SH3BGRL: variants seen among roughly 807,000 people sequenced by gnomAD.
The protein encoded by SH3BGRL is SH3 domain binding glutamate rich protein like.
A neutral mutation model predicts 9.8 loss-of-function variants in SH3BGRL; 7 were observed. The observed-to-expected ratio is 0.72, with a 90% confidence interval of 0.41 to 1.35. The LOEUF is 1.35. SH3BGRL is among the 40% of genes most tolerant of loss of function. SH3BGRL has a pLI of 0.01. For synonymous variants in SH3BGRL, 36 were observed against 29.1 expected, an observed-to-expected ratio of 1.24 and a Z score of -0.76; for missense variants, 73 against 84.4, an observed-to-expected ratio of 0.86 and a Z score of 0.53.
chrX:81,261,558 T>TA (rs773851685), intron 1 of SH3BGRL, among the ~76,000 whole-genome samples: 24 of 111,319 alleles, frequency 2.2e-4, no homozygotes, highest in Admixed American at 9.6e-5. Context: ...CTAAATCTTG[T>TA]AAAAATTTTG....
At chrX:81,271,271 C>A (rs2075778505) in intron 1 of SH3BGRL, among the ~76,000 whole-genome samples, 1 of 112,226 alleles carries the variant, frequency 8.9e-6, no homozygotes, top group South Asian at 3.7e-4. Context: ...TCCATCCAGT[C>A]CCTGTGAGAT....
chrX:81,215,376 A>G (rs2075578414), intron 1 of SH3BGRL, among the ~76,000 whole-genome samples: 1 of 111,279 alleles, frequency 9.0e-6, no homozygotes, highest in East Asian at 2.8e-4. Flanking sequence ...ATTTGTGCTT[A>G]GGAATTATCT....
intron 1 of SH3BGRL, among the ~76,000 whole-genome samples, chrX:81,209,772 A>T (rs1225733343): frequency 8.9e-6 from 1 of 112,132 alleles, no homozygotes; most frequent in East Asian, 2.8e-4. Flanking sequence ...ACTGGTGGGC[A>T]GGCTGGGTGT....
intron 1 of SH3BGRL, among the ~76,000 whole-genome samples, chrX:81,269,556 C>T (rs1321273476): frequency 8.9e-6 from 1 of 111,976 alleles, no homozygotes; most frequent in Non-Finnish European, 1.9e-5. Flanking sequence ...CCACTCTCTT[C>T]TGGCTTGTAG....
In SH3BGRL at chrX:81,229,852, A is replaced by T. The variant is rs143768078; in HGVS notation, c.45+27607A>T. On this transcript the variant is annotated intron_variant, in intron 1 of 3. Transcript: ENST00000373212. ...GGGAAATGCAGCATTTGGGCAGGAA[A>T]ACAGAAATACTTGTCCTCACCTAGG... 2.4e-3 allele frequency among the ~76,000 whole-genome samples: 264 copies of T among 111,932 alleles called. 1 individual carries two copies. The highest frequency in any genetic ancestry group is 8.0e-3 in the African/African-American group (245 of 30,763).
chrX:81,208,719 C>T (rs1030325105), intron 1 of SH3BGRL, among the ~76,000 whole-genome samples: 4 of 111,403 alleles, frequency 3.6e-5, no homozygotes, highest in African/African-American at 1.3e-4. Flanking sequence ...AGAGACGAGG[C>T]GGTTCATTTA....
At chrX:81,250,404 C>T (rs2075705628) in intron 1 of SH3BGRL, among the ~76,000 whole-genome samples, 2 of 24,233 alleles carry the variant, frequency 8.3e-5, no homozygotes, top group African/African-American at 1.5e-4. Context: ...GAGACTCCGT[C>T]TCAAAAAAAA....
At chrX:81,221,583 CATT>C (rs1468310854) in intron 1 of SH3BGRL, among the ~76,000 whole-genome samples, 1 of 111,749 alleles carries the variant, frequency 8.9e-6, no homozygotes, top group Non-Finnish European at 1.9e-5. Context: ...CTACTGCAAA[CATT>C]TGAACTCTGG....
intron 3 of SH3BGRL, among the ~76,000 whole-genome samples, chrX:81,291,081 A>T (rs1225719408): frequency 1.8e-5 from 2 of 112,041 alleles, no homozygotes; most frequent in African/African-American, 3.2e-5. Flanking sequence ...AGCAAGATGC[A>T]TACTGTGACT....
At chrX:81,218,170 C>T (rs1044766596) in intron 1 of SH3BGRL, among the ~76,000 whole-genome samples, 4 of 110,605 alleles carry the variant, frequency 3.6e-5, no homozygotes, top group African/African-American at 9.8e-5. Flanking sequence ...CTCTTGAAGA[C>T]AGCAAATAGT....
In SH3BGRL at chrX:81,297,764, A is replaced by G. The variant is rs1421228021; in HGVS notation, c.*537A>G. ...TTATAACATTCCCATTCTTTTGTAG[A>G]TGAAACTTCTACATATTGAACCACA... is the stretch of plus-strand genomic sequence containing the variant. On this transcript the variant is annotated 3_prime_UTR_variant, in exon 4 of 4. Transcript: ENST00000373212. 8.9e-6 allele frequency: 1 copy of G among 112,221 alleles called. No individual in the cohort carries two copies. Among genetic ancestry groups the G allele is most frequent in the African/African-American group, 3.2e-5 (1 of 30,934 alleles). The allele number at this position is 112,221 out of a possible 1,213,427, so 9.2% of individuals were successfully genotyped here. A position where few individuals can be genotyped will look rare whatever the true frequency, so the allele number is the denominator to read the frequency against.
chrX:81,280,873 G>A (rs1300432150), intron 3 of SH3BGRL, among the ~76,000 whole-genome samples: 2 of 111,472 alleles, frequency 1.8e-5, no homozygotes, highest in African/African-American at 6.5e-5. Flanking sequence ...AAGCTAATCA[G>A]GGAGGGAACA....
chrX:81,207,857 A>G (rs2075551843), intron 1 of SH3BGRL, among the ~76,000 whole-genome samples: 1 of 112,019 alleles, frequency 8.9e-6, no homozygotes, highest in Admixed American at 9.5e-5. Flanking sequence ...TTTGGCCCAA[A>G]AAGAGGCTGA....
chrX:81,222,026 T>C (rs1050029517), intron 1 of SH3BGRL, among the ~76,000 whole-genome samples: 1 of 112,114 alleles, frequency 8.9e-6, no homozygotes, highest in Admixed American at 9.4e-5. Flanking sequence ...TTATCAATTT[T>C]CTCTTAGTAA....
chrX:81,233,143 T>C (rs1452701841), intron 1 of SH3BGRL, among the ~76,000 whole-genome samples: 1 of 111,835 alleles, frequency 8.9e-6, no homozygotes, highest in African/African-American at 3.2e-5. Flanking sequence ...ATTTTTACAA[T>C]TGATTGGGAG....
At chrX:81,234,702 T>C (rs1394600423) in intron 1 of SH3BGRL, among the ~76,000 whole-genome samples, 1 of 112,080 alleles carries the variant, frequency 8.9e-6, no homozygotes, top group Non-Finnish European at 1.9e-5. Context: ...GCTCTCTGGG[T>C]CTTGAGACAT....
intron 1 of SH3BGRL, among the ~76,000 whole-genome samples, chrX:81,223,853 A>G (rs1395811524): frequency 9.0e-6 from 1 of 111,329 alleles, no homozygotes; most frequent in African/African-American, 3.3e-5. Flanking sequence ...ACTGATTAAA[A>G]AAAACTTTTT....
chrX:81,235,883 G>A (rs1436896880), intron 1 of SH3BGRL, among the ~76,000 whole-genome samples: 1 of 111,004 alleles, frequency 9.0e-6, no homozygotes, highest in Non-Finnish European at 1.9e-5. Context: ...TGCTATCACT[G>A]GCTCCTCGTA....
intron 1 of SH3BGRL, among the ~76,000 whole-genome samples, chrX:81,266,482 C>A (rs765003868): frequency 9.0e-6 from 1 of 111,466 alleles, no homozygotes; most frequent in African/African-American, 3.3e-5. Context: ...TCATTGCTTG[C>A]GTGTGTCAGA....
Sources: allele counts gnomAD v4.1 joint callset (sites outside exome capture counted in the v4.1 genomes callset), GRCh38; gene constraint gnomAD v4.1.1; transcripts MANE v1.5; gene names NCBI Gene and HGNC (gene_info 2026-07-23, HGNC 2026-07-21).